Variants in KHDRBS2 observed in about 807,000 individuals in gnomAD.
The protein encoded by KHDRBS2 is KH domain-containing, RNA-binding, signal transduction-associated protein 2.
KHDRBS2 carries 26 observed loss-of-function variants against 44.3 expected under a neutral mutation model. That is an observed-to-expected ratio of 0.59 (90% CI 0.43 to 0.81). The LOEUF (loss-of-function observed/expected upper bound fraction) is 0.81. Among genes scored for constraint, KHDRBS2 ranks in the 40% least tolerant of loss-of-function variants. The pLI is 0.00. For synonymous variants in KHDRBS2, 194 were observed against 151.1 expected, an observed-to-expected ratio of 1.28 and a Z score of -2.08; for missense variants, 476 against 433.1, an observed-to-expected ratio of 1.10 and a Z score of -0.88.
the KHDRBS2 span, among the ~76,000 whole-genome samples, chr6:61,625,106 T>C: frequency 6.6e-6 from 1 of 151,878 alleles, no homozygotes; most frequent in African/African-American, 2.4e-5. Context: ...TTTGATGCCT[T>C]GTGGGATTCT....
intron 6 of KHDRBS2, among the ~76,000 whole-genome samples, chr6:61,885,590 A>G (rs1800827523): frequency 6.6e-6 from 1 of 152,154 alleles, no homozygotes; most frequent in Non-Finnish European, 1.5e-5. Context: ...AACAGTAGCA[A>G]TATCTAAATA....
At chr6:62,131,182 T>A (rs773038398) in intron 2 of KHDRBS2, among the ~76,000 whole-genome samples, 24 of 152,306 alleles carry the variant, frequency 1.6e-4, no homozygotes, top group Admixed American at 1.5e-3. Flanking sequence ...TTGCCCACAC[T>A]TGAGAACCTT....
intron 6 of KHDRBS2, among the ~76,000 whole-genome samples, chr6:61,825,130 A>C (rs1790629585): frequency 6.6e-6 from 1 of 152,170 alleles, no homozygotes; most frequent in Non-Finnish European, 1.5e-5. Flanking sequence ...CATTAGACAA[A>C]AGCATGTAGA....
At chr6:61,715,420 C>T (rs1324808687) in intron 7 of KHDRBS2, among the ~76,000 whole-genome samples, 6 of 151,892 alleles carry the variant, frequency 4.0e-5, no homozygotes, top group Admixed American at 3.9e-4. Flanking sequence ...CTTCCTATCG[C>T]CTCAGCTATA....
intron 1 of KHDRBS2, among the ~76,000 whole-genome samples, chr6:62,278,822 T>C (rs767110335): frequency 2.7e-4 from 41 of 152,118 alleles, no homozygotes; most frequent in Non-Finnish European, 4.9e-4. Flanking sequence ...CGGCCAGGCG[T>C]GGTGGCTCAC....
At chr6:62,040,564 A>C (rs544332752) in intron 3 of KHDRBS2, among the ~76,000 whole-genome samples, 1 of 152,160 alleles carries the variant, frequency 6.6e-6, no homozygotes, top group African/African-American at 2.4e-5. Context: ...ATGGCTAAGG[A>C]CTGGAATAAT....
At chr6:62,147,942 G>A (rs1445405303) in intron 2 of KHDRBS2, among the ~76,000 whole-genome samples, 1 of 151,840 alleles carries the variant, frequency 6.6e-6, no homozygotes, top group Non-Finnish European at 1.5e-5. Flanking sequence ...TTTGGAACTA[G>A]GAATAAATAA....
At chr6:61,566,105 G>A in the KHDRBS2 span, among the ~76,000 whole-genome samples, 1 of 151,994 alleles carries the variant, frequency 6.6e-6, no homozygotes, top group African/African-American at 2.4e-5. Flanking sequence ...GGATGGAACT[G>A]AAGGATGTTT....
chr6:62,176,536 CTTCA>C (rs751227800), intron 2 of KHDRBS2, among the ~76,000 whole-genome samples: 13 of 151,106 alleles, frequency 8.6e-5, no homozygotes, highest in Non-Finnish European at 1.6e-4. Context: ...TTTTAGTTTC[CTTCA>C]TTCATTTGAC....
intron 4 of KHDRBS2, among the ~76,000 whole-genome samples, chr6:61,914,152 G>A (rs1806555614): frequency 6.6e-6 from 1 of 152,030 alleles, no homozygotes; most frequent in Non-Finnish European, 1.5e-5. Context: ...ACATGCATTA[G>A]GCACTGCAGT....
intron 1 of KHDRBS2, among the ~76,000 whole-genome samples, chr6:62,278,968 C>A (rs1269882859): frequency 6.6e-6 from 1 of 152,110 alleles, no homozygotes; most frequent in African/African-American, 2.4e-5. Context: ...GTGGCGGGTG[C>A]CTGTAGTCCC....
chr6:61,916,751 C>T (rs926243498), intron 4 of KHDRBS2, among the ~76,000 whole-genome samples: 3 of 151,796 alleles, frequency 2.0e-5, no homozygotes, highest in African/African-American at 4.8e-5. Context: ...GATGTACAGA[C>T]GTACAGAATT....
chr6:61,719,157 GC>G (rs1562022749), intron 7 of KHDRBS2, among the ~76,000 whole-genome samples: 3 of 151,994 alleles, frequency 2.0e-5, no homozygotes, highest in African/African-American at 4.8e-5. Flanking sequence ...TAAATATTTT[GC>G]CTATTATACC....
chr6:61,721,952 A>C (rs9767354), intron 7 of KHDRBS2, among the ~76,000 whole-genome samples: 111,967 of 141,428 alleles, frequency 0.79, 44,950 homozygotes, highest in African/African-American at 0.89. Context: ...AGATACGTCC[A>C]ATCAATACCT....
the KHDRBS2 span, among the ~76,000 whole-genome samples, chr6:61,592,804 A>C: frequency 6.6e-6 from 1 of 152,154 alleles, no homozygotes; most frequent in African/African-American, 2.4e-5. Context: ...GAAGAAAAAC[A>C]AAAGCATGGA....
intron 3 of KHDRBS2, among the ~76,000 whole-genome samples, chr6:62,039,201 G>T (rs189343755): frequency 6.7e-6 from 1 of 149,016 alleles, no homozygotes; most frequent in African/African-American, 2.5e-5. Flanking sequence ...TGTGTTGATC[G>T]GTGCTTTCTA....
chr6:62,208,512 G>C (rs1828435401), intron 1 of KHDRBS2, among the ~76,000 whole-genome samples: 1 of 152,092 alleles, frequency 6.6e-6, no homozygotes, highest in African/African-American at 2.4e-5. Flanking sequence ...TCAGTATCTA[G>C]CCTGGTGTGA....
intron 8 of KHDRBS2, among the ~76,000 whole-genome samples, chr6:61,694,817 C>T (rs1479274147): frequency 6.6e-6 from 1 of 152,116 alleles, no homozygotes. Flanking sequence ...GGCAGCTTAT[C>T]AACTGAGCCA....
At chr6:62,174,316 TA>T (rs1247970778) in intron 2 of KHDRBS2, among the ~76,000 whole-genome samples, 2 of 151,302 alleles carry the variant, frequency 1.3e-5, no homozygotes, top group African/African-American at 4.8e-5. Flanking sequence ...ACAATGGCCA[TA>T]AAAAAACTAG....
Sources: gnomAD v4.1 joint callset for allele counts (sites outside exome capture counted in the v4.1 genomes callset) on GRCh38, gnomAD v4.1.1 for gene constraint, MANE v1.5 for transcripts, NCBI Gene and HGNC (gene_info 2026-07-23, HGNC 2026-07-21) for gene names.